LRRFIP1: variants seen among roughly 807,000 people sequenced by gnomAD.
The protein encoded by LRRFIP1 is LRR binding FLII interacting protein 1.
Under a neutral mutation model 104.4 loss-of-function variants are expected in LRRFIP1, and 62 were observed. That is an observed-to-expected ratio of 0.59 (90% CI 0.48 to 0.73). The LOEUF is 0.73. Among genes scored for constraint, LRRFIP1 ranks in the 30% least tolerant of loss-of-function variants. LRRFIP1 has a pLI of 0.00. For missense variants in LRRFIP1, 796 were observed against 824.5 expected (o/e 0.97, Z 0.42); for synonymous variants, 300 against 299.0 (o/e 1.00, Z -0.03).
chr2:237,635,232 G>C (rs764577354), intron 1 of LRRFIP1, among the ~76,000 whole-genome samples: 5 of 152,120 alleles, frequency 3.3e-5, no homozygotes, highest in Non-Finnish European at 7.3e-5. Flanking sequence ...AGAGTTCTAG[G>C]TTAAAAATAA....
intron 5 of LRRFIP1, 39 bp downstream of exon 5, chr2:237,719,606 T>G (rs2094466223): frequency 3.3e-6 from 5 of 1,513,144 alleles, no homozygotes. Flanking sequence ...GCAATTTGAT[T>G]GAATTCTAAT....
At chr2:237,772,003 C>A in intron 20 of LRRFIP1, 78 bp from the exon 21 acceptor site, 1 of 969,232 alleles carries the variant, frequency 1.0e-6, no homozygotes, top group Non-Finnish European at 1.6e-6. Flanking sequence ...TGCTTCCTTT[C>A]TGATGGGCTC....
In LRRFIP1 at chr2:237,703,220, T is replaced by C. The variant is rs952550416; in HGVS notation, c.97-5324T>C. On this transcript the variant is annotated intron_variant, in intron 1 of 23. Coordinates refer to ENST00000308482, the MANE Select transcript of LRRFIP1 (RefSeq NM_001137550.2). This position sits in a 1 kb window ranked among gnomAD's most constrained non-coding sequence, Gnocchi z 4.3. ...ATGCACAGTCTCGTCTCCTGAGTTC[T>C]CTGAAGCCCTTTGCAGTTTTTGCTT... 6.6e-6 allele frequency among the ~76,000 whole-genome samples: 1 copy of C among 152,184 alleles called. No homozygotes were observed. Among genetic ancestry groups the C allele is most frequent in the Non-Finnish European group, 1.5e-5 (1 of 68,030 alleles).
chr2:237,693,432 T>A (rs2092952580), intron 1 of LRRFIP1, among the ~76,000 whole-genome samples: 1 of 152,224 alleles, frequency 6.6e-6, no homozygotes, highest in Non-Finnish European at 1.5e-5. Flanking sequence ...AAGTAGAGTC[T>A]GATGAACTCA....
At chr2:237,752,361 G>A (rs1281459787) in intron 14 of LRRFIP1, among the ~76,000 whole-genome samples, 2 of 152,216 alleles carry the variant, frequency 1.3e-5, no homozygotes, top group African/African-American at 4.8e-5. Context: ...AGCCGAGATC[G>A]TGCCACTGCA....
rs760806204 is a variant in LRRFIP1, at chr2:237,708,718, C to T, written c.183+88C>T. On this transcript the variant is annotated intron_variant, in intron 2 of 23. Transcript: ENST00000308482. Reference sequence around the variant, plus strand: ...AAGTGCAGGCACCTGTTGCTGCAGACGCACCTGGCTGTCTCACGTTGCTCA... The same window carrying T: ...AAGTGCAGGCACCTGTTGCTGCAGATGCACCTGGCTGTCTCACGTTGCTCA... The T allele has an allele frequency of 4.7e-5, 65 of 1,381,828 alleles. No homozygotes were observed. In the East Asian group the frequency reaches 1.0e-3, roughly 22 times the overall value. 85.6% of individuals were successfully genotyped at this position (1,381,828 alleles called of 1,614,324 possible).
intron 4 of LRRFIP1, among the ~76,000 whole-genome samples, chr2:237,718,497 A>T (rs1034805947): frequency 3.9e-5 from 6 of 152,168 alleles, no homozygotes; most frequent in African/African-American, 1.4e-4. Flanking sequence ...CGGCACCCAC[A>T]TAGGGAGGCT....
At chr2:237,740,117 C>T (rs970741184) in intron 11 of LRRFIP1, among the ~76,000 whole-genome samples, 3 of 152,038 alleles carry the variant, frequency 2.0e-5, no homozygotes, top group Non-Finnish European at 4.4e-5. Context: ...TCAAAATTTC[C>T]AGCCTGAGCT....
At chr2:237,698,761 T>C (rs2093343247) in intron 1 of LRRFIP1, among the ~76,000 whole-genome samples, 1 of 152,208 alleles carries the variant, frequency 6.6e-6, no homozygotes, top group African/African-American at 2.4e-5. Flanking sequence ...CACCCAGACC[T>C]GTGCTCTGAA....
chr2:237,709,688 A>G (rs1175367921), intron 2 of LRRFIP1, among the ~76,000 whole-genome samples: 3 of 152,216 alleles, frequency 2.0e-5, no homozygotes, highest in African/African-American at 4.8e-5. Context: ...CTCCGCTGCT[A>G]GGAGTTTGCC....
At chr2:237,640,245 C>G (rs1010950465) in intron 1 of LRRFIP1, among the ~76,000 whole-genome samples, 2 of 152,296 alleles carry the variant, frequency 1.3e-5, no homozygotes, top group Non-Finnish European at 1.5e-5. Flanking sequence ...GAGACACGAG[C>G]TGCCAATGTG....
intron 19 of LRRFIP1, 57 bp downstream of exon 19, chr2:237,760,262 C>T (rs1337572627): frequency 2.5e-6 from 4 of 1,583,058 alleles, no homozygotes; most frequent in Non-Finnish European, 2.6e-6. Flanking sequence ...TTGGTTCACC[C>T]TCCATGCACT....
At chr2:237,710,322 C>T (rs914244534) in intron 2 of LRRFIP1, among the ~76,000 whole-genome samples, 3 of 151,102 alleles carry the variant, frequency 2.0e-5, no homozygotes, top group Non-Finnish European at 4.4e-5. Context: ...CTTGCTTTGT[C>T]GCCCAGGCTG....
At chr2:237,718,104 C>G (rs1177844646) in intron 4 of LRRFIP1, among the ~76,000 whole-genome samples, 1 of 152,232 alleles carries the variant, frequency 6.6e-6, no homozygotes, top group African/African-American at 2.4e-5. Context: ...CACAGCCGCC[C>G]TGATCTCCTC....
At chr2:237,704,446 G>A (rs538072348) in intron 1 of LRRFIP1, among the ~76,000 whole-genome samples, 4 of 152,154 alleles carry the variant, frequency 2.6e-5, no homozygotes, top group Non-Finnish European at 5.9e-5. Context: ...GAACCACCGC[G>A]CCTGGCCAAC....
chr2:237,738,871 T>C (rs1488440283), intron 10 of LRRFIP1, among the ~76,000 whole-genome samples: 1 of 152,276 alleles, frequency 6.6e-6, no homozygotes, highest in African/African-American at 2.4e-5. Flanking sequence ...CTTCAGTTTC[T>C]GTGCCGGAAG....
At chr2:237,744,563 T>G (rs2150530168) in intron 11 of LRRFIP1, among the ~76,000 whole-genome samples, 1 of 152,356 alleles carries the variant, frequency 6.6e-6, no homozygotes, top group Admixed American at 6.5e-5. Flanking sequence ...ATTAATAAAA[T>G]ATTTAATGTG....
intron 1 of LRRFIP1, among the ~76,000 whole-genome samples, chr2:237,702,279 G>A (rs1380452140): frequency 6.6e-6 from 1 of 152,206 alleles, no homozygotes; most frequent in Non-Finnish European, 1.5e-5. Flanking sequence ...AGGACAAGGA[G>A]GCAACTTTGA....
chr2:237,703,113 G>A lies in LRRFIP1; in HGVS notation c.97-5431G>A, dbSNP rs556183497. ...CTAGCGAGGGCCATGCCAAGAAGCCGCTGTTCTAATCTAATCAGTGGAGGA... is the reference window on the plus strand; with the variant it reads ...CTAGCGAGGGCCATGCCAAGAAGCCACTGTTCTAATCTAATCAGTGGAGGA... On this transcript the variant is annotated intron_variant, in intron 1 of 23. Coordinates refer to ENST00000308482, the MANE Select transcript of LRRFIP1 (RefSeq NM_001137550.2). This position sits in a 1 kb window ranked among gnomAD's most constrained non-coding sequence, Gnocchi z 4.3. Among the ~76,000 whole-genome samples the A allele has an allele frequency of 1.3e-4, 20 of 152,300 alleles. No individual in the cohort carries two copies. Among genetic ancestry groups the A allele is most frequent in the African/African-American group, 4.6e-4 (19 of 41,556 alleles).
Sources: gnomAD v4.1 joint callset for allele counts (sites outside exome capture counted in the v4.1 genomes callset) on GRCh38, gnomAD v4.1.1 for gene constraint, Gnocchi (gnomAD v3.1) non-coding constraint, MANE v1.5 for transcripts, NCBI Gene and HGNC (gene_info 2026-07-23, HGNC 2026-07-21) for gene names.